Variants in IQUB observed in about 807,000 individuals in gnomAD.
IQUB encodes the protein IQ motif and ubiquitin domain containing.
A neutral mutation model predicts 86.4 loss-of-function variants in IQUB; 86 were observed. That is an observed-to-expected ratio of 1.00 (90% CI 0.84 to 1.19). The LOEUF (loss-of-function observed/expected upper bound fraction) is 1.19. Among genes scored for constraint, IQUB ranks in the 50% most tolerant of loss-of-function variants. The probability of loss-of-function intolerance (pLI) is 0.00; values close to 1 mark genes in which losing one functional copy is unlikely to be tolerated. For synonymous variants in IQUB, 289 were observed against 304.5 expected, an observed-to-expected ratio of 0.95 and a Z score of 0.53; for missense variants, 946 against 916.9, an observed-to-expected ratio of 1.03 and a Z score of -0.41.
At chr7:123,461,041 A>G (rs1000990934) in intron 11 of IQUB, among the ~76,000 whole-genome samples, 2 of 150,882 alleles carry the variant, frequency 1.3e-5, no homozygotes, top group African/African-American at 2.4e-5. Flanking sequence ...TTATGGTCAC[A>G]TTTGGTTTAC....
At chr7:123,459,711 A>T (rs1476302731) in intron 11 of IQUB, 3 of 152,010 alleles carry the variant, frequency 2.0e-5, no homozygotes, top group Non-Finnish European at 4.4e-5. Context: ...TGACTAATAC[A>T]ACATGGAATA....
chr7:123,518,729 G>A (rs1796765155), intron 1 of IQUB, among the ~76,000 whole-genome samples: 2 of 152,034 alleles, frequency 1.3e-5, no homozygotes, highest in African/African-American at 4.8e-5. Flanking sequence ...AAATAGCTGG[G>A]ATTACAGGCG....
chr7:123,454,943 A>G (rs1038234721), intron 12 of IQUB, among the ~76,000 whole-genome samples: 4 of 152,144 alleles, frequency 2.6e-5, no homozygotes, highest in Non-Finnish European at 5.9e-5. Flanking sequence ...CCTTCCATCC[A>G]TAATATAGTC....
chr7:123,483,301 C>T (rs1309477160), intron 7 of IQUB, among the ~76,000 whole-genome samples: 2 of 152,066 alleles, frequency 1.3e-5, no homozygotes, highest in East Asian at 3.9e-4. Context: ...TCAGTGTGGA[C>T]TTATCAGCTG....
intron 6 of IQUB, among the ~76,000 whole-genome samples, chr7:123,499,495 T>C (rs1401797310): frequency 1.3e-5 from 2 of 152,104 alleles, no homozygotes; most frequent in African/African-American, 4.8e-5. Context: ...TAGAGGTATA[T>C]TTCCCACAGC....
At chr7:123,530,226 G>A (rs1036800145) in intron 1 of IQUB, among the ~76,000 whole-genome samples, 31 of 150,560 alleles carry the variant, frequency 2.1e-4, no homozygotes, top group African/African-American at 7.1e-4. Context: ...AGTGGCTCAC[G>A]CCTGATCGAG....
chr7:123,462,337 G>A (rs1334068947), intron 10 of IQUB, among the ~76,000 whole-genome samples: 1 of 151,670 alleles, frequency 6.6e-6, no homozygotes, highest in African/African-American at 2.4e-5. Context: ...GAAGGAAATG[G>A]ACATCAATGT....
intron 12 of IQUB, 31 bp from the exon 13 acceptor site, chr7:123,452,956 T>C: frequency 6.5e-7 from 1 of 1,545,940 alleles, no homozygotes; most frequent in Non-Finnish European, 8.8e-7. Context: ...TTCTAGTAAA[T>C]ATCACAGATA....
At chr7:123,518,158 C>A (rs144243066) in intron 1 of IQUB, among the ~76,000 whole-genome samples, 1 of 148,840 alleles carries the variant, frequency 6.7e-6, no homozygotes, top group South Asian at 2.1e-4. Flanking sequence ...TTTTTTCTTT[C>A]GCTCACCCAT....
rs1794400240 is a variant in IQUB at position 123,469,059 on chromosome 7, G to T, written c.1581+155C>A. The stretch of plus-strand genomic sequence containing the variant: ...ACATTTATTATGTATTATATTTTGA[G>T]AACTTTTAGGTAAATATTAATGCAT... On this transcript the variant is annotated intron_variant, in intron 9 of 12. Transcript: ENST00000324698. Among the ~76,000 whole-genome samples, 4 of 152,090 alleles carry T rather than the reference G, an allele frequency of 2.6e-5. No individual in the cohort carries two copies. In the South Asian group the frequency reaches 8.3e-4, roughly 32 times the overall value.
intron 11 of IQUB, among the ~76,000 whole-genome samples, chr7:123,459,218 A>G (rs183815325): frequency 9.9e-5 from 15 of 152,106 alleles, no homozygotes; most frequent in African/African-American, 3.1e-4. Context: ...GAAAGGTTAC[A>G]ATGCTCCCCT....
chr7:123,484,922 A>G (rs956120805), intron 7 of IQUB, among the ~76,000 whole-genome samples: 2 of 152,108 alleles, frequency 1.3e-5, no homozygotes, highest in East Asian at 3.9e-4. Context: ...CCCAACTAGT[A>G]ACAAAGAATA....
intron 1 of IQUB, among the ~76,000 whole-genome samples, chr7:123,518,546 G>T (rs1796756353): frequency 6.6e-6 from 1 of 152,092 alleles, no homozygotes; most frequent in Non-Finnish European, 1.5e-5. Context: ...ATCTAGGGCT[G>T]ATCTCCCTCT....
intron 8 of IQUB, among the ~76,000 whole-genome samples, chr7:123,473,558 G>C (rs1270241474): frequency 2.0e-5 from 3 of 151,834 alleles, no homozygotes; most frequent in Non-Finnish European, 4.4e-5. Flanking sequence ...AGCTTTGTGA[G>C]TTCTTTTGTT....
At chr7:123,519,566 T>C (rs1351807595) in intron 1 of IQUB, among the ~76,000 whole-genome samples, 4 of 152,266 alleles carry the variant, frequency 2.6e-5, no homozygotes, top group East Asian at 1.9e-4. Context: ...AAATATCACA[T>C]GTTCTCATTC....
At chr7:123,473,050 C>T (rs925787659) in intron 8 of IQUB, among the ~76,000 whole-genome samples, 8 of 152,142 alleles carry the variant, frequency 5.3e-5, no homozygotes, top group African/African-American at 1.9e-4. Context: ...TGGAGAGCAG[C>T]AGGCTTCCAC....
intron 1 of IQUB, among the ~76,000 whole-genome samples, chr7:123,516,731 A>AT (rs1383760962): frequency 3.3e-5 from 5 of 152,258 alleles, no homozygotes; most frequent in African/African-American, 1.2e-4. Flanking sequence ...TCAATGTATT[A>AT]TTTTTAATAT....
At chr7:123,534,250 T>G (rs139376615) in intron 1 of IQUB, among the ~76,000 whole-genome samples, 7 of 152,312 alleles carry the variant, frequency 4.6e-5, no homozygotes, top group African/African-American at 1.4e-4. Flanking sequence ...CCTAGCTTGA[T>G]GCTGCTGGTT....
At chr7:123,478,409 T>C (rs1310051538) in intron 8 of IQUB, among the ~76,000 whole-genome samples, 1 of 151,638 alleles carries the variant, frequency 6.6e-6, no homozygotes, top group Non-Finnish European at 1.5e-5. Flanking sequence ...ACATCACACA[T>C]GGGGGCCTGT....
Sources: gnomAD v4.1 joint callset for allele counts (sites outside exome capture counted in the v4.1 genomes callset) on GRCh38, gnomAD v4.1.1 for gene constraint, MANE v1.5 for transcripts, NCBI Gene and HGNC (gene_info 2026-07-23, HGNC 2026-07-21) for gene names.